The following ME3 variants were observed in gnomAD, a reference collection of about 807,000 sequenced individuals.
The protein encoded by ME3 is malic enzyme 3, also known as NADP-dependent malic enzyme, mitochondrial.
Under a neutral mutation model 68.9 loss-of-function variants are expected in ME3, and 48 were observed. That is an observed-to-expected ratio of 0.70 (90% confidence interval 0.55 to 0.89). The LOEUF (loss-of-function observed/expected upper bound fraction) is 0.89, where lower values mean the gene tolerates loss of function less well. Among genes scored for constraint, ME3 ranks in the 40% least tolerant of loss-of-function variants. The pLI, the probability that ME3 is intolerant of heterozygous loss-of-function variation, is 0.00. For missense variants in ME3, 675 were observed against 797.4 expected (o/e 0.85, Z 1.85); for synonymous variants, 320 against 318.8 (o/e 1.00, Z -0.04).
chr11:86,534,202 T>C (rs892218247), intron 4 of ME3, among the ~76,000 whole-genome samples: 2 of 151,916 alleles, frequency 1.3e-5, no homozygotes, highest in South Asian at 4.2e-4. Context: ...GATGAGTGAA[T>C]GTGATGACCC....
At chr11:86,536,641 T>G (rs1185715595) in intron 4 of ME3, among the ~76,000 whole-genome samples, 1 of 144,718 alleles carries the variant, frequency 6.9e-6, no homozygotes, top group African/African-American at 2.6e-5. Context: ...AAACAACAGG[T>G]GCTGGAGAGG....
chr11:86,521,827 G>A (rs1476419352), intron 4 of ME3, among the ~76,000 whole-genome samples: 1 of 152,166 alleles, frequency 6.6e-6, no homozygotes, highest in Non-Finnish European at 1.5e-5. Flanking sequence ...ATTATTTTGA[G>A]TCCTTTCCCT....
chr11:86,632,361 G>T (rs1310430212), intron 2 of ME3, among the ~76,000 whole-genome samples: 1 of 152,136 alleles, frequency 6.6e-6, no homozygotes, highest in African/African-American at 2.4e-5. Context: ...CAAGGGGGGT[G>T]GGGTAGAGCA....
At chr11:86,571,037 A>T (rs1296646749) in intron 2 of ME3, among the ~76,000 whole-genome samples, 5 of 152,208 alleles carry the variant, frequency 3.3e-5, no homozygotes, top group Admixed American at 3.3e-4. Flanking sequence ...GAGGTTTTAA[A>T]AAGTTTTTAA....
chr11:86,475,874 T>TATATATATATATATATAGAGAG, intron 7 of ME3, among the ~76,000 whole-genome samples: 24 of 91,444 alleles, frequency 2.6e-4, no homozygotes, highest in African/African-American at 9.5e-4. Context: ...TATATATATA[T>TATATATATATATATATAGAGAG]AGAGAGAGAG....
chr11:86,664,466 AC>A (rs1946470801), intron 2 of ME3, among the ~76,000 whole-genome samples: 1 of 152,226 alleles, frequency 6.6e-6, no homozygotes, highest in Admixed American at 6.5e-5. Flanking sequence ...ATTATTTACA[AC>A]ATGCCTATGA....
chr11:86,595,304 T>TAG lies in ME3; in HGVS notation c.184-35482_184-35481insCT, dbSNP rs142071666. ...ATATATACATATACATATATATATA[T>TAG]ATAGAGAGAGAGAGAGAGAGAGAGA... On this transcript the variant is annotated intron_variant, in intron 2 of 14. Coordinates refer to ENST00000543262, the Ensembl canonical transcript of ME3. 4.9e-3 allele frequency among the ~76,000 whole-genome samples: 466 copies of TAG among 94,596 alleles called. 28 individuals carry two copies. Among genetic ancestry groups the TAG allele is most frequent in the African/African-American group, 0.016 (359 of 22,628 alleles). The allele number at this position is 94,596 out of a possible 152,430, so 62.1% of individuals were successfully genotyped here. A position where few individuals can be genotyped will look rare whatever the true frequency, so the allele number is the denominator to read the frequency against.
intron 4 of ME3, among the ~76,000 whole-genome samples, chr11:86,519,913 G>A (rs748525675): frequency 1.1e-4 from 17 of 152,192 alleles, no homozygotes; most frequent in Non-Finnish European, 2.9e-5. Context: ...ACGTCCTCAG[G>A]GACGTGTGAC....
chr11:86,560,770 A>ATATATATATATATATATT (rs1405684410), intron 2 of ME3, among the ~76,000 whole-genome samples: 671 of 131,788 alleles, frequency 5.1e-3, no homozygotes, highest in Non-Finnish European at 8.8e-3. Flanking sequence ...ATATATATAT[A>ATATATATATATATATATT]TATTTCCAGG....
At chr11:86,481,974 A>G (rs1354782542) in intron 7 of ME3, among the ~76,000 whole-genome samples, 1 of 152,220 alleles carries the variant, frequency 6.6e-6, no homozygotes, top group African/African-American at 2.4e-5. Context: ...GGCACAAGGA[A>G]TGAAACCTTT....
chr11:86,449,110 ATC>A (rs1593999915), intron 10 of ME3, among the ~76,000 whole-genome samples: 1 of 152,170 alleles, frequency 6.6e-6, no homozygotes, highest in African/African-American at 2.4e-5. Context: ...TCTGCTGAGG[ATC>A]TCTGCCATTC....
intron 4 of ME3, among the ~76,000 whole-genome samples, chr11:86,551,575 G>A (rs601300): frequency 0.078 from 11,817 of 152,258 alleles, 550 homozygotes; most frequent in East Asian, 0.26. Flanking sequence ...TGATGTCTTA[G>A]ATAAGTCAGC....
At chr11:86,613,088 G>A (rs1293349808) in intron 2 of ME3, among the ~76,000 whole-genome samples, 2 of 152,002 alleles carry the variant, frequency 1.3e-5, no homozygotes, top group Non-Finnish European at 2.9e-5. Context: ...ATTTTTGTAA[G>A]GTGAAAGGAA....
chr11:86,591,936 A>G (rs1240973760), intron 2 of ME3, among the ~76,000 whole-genome samples: 2 of 152,174 alleles, frequency 1.3e-5, no homozygotes, highest in African/African-American at 4.8e-5. Flanking sequence ...TCAGACATCT[A>G]GAGTCCAGAA....
intron 5 of ME3, among the ~76,000 whole-genome samples, chr11:86,506,180 G>A (rs974353631): frequency 2.6e-5 from 4 of 152,114 alleles, no homozygotes; most frequent in African/African-American, 9.7e-5. Context: ...AGAGGCTCTG[G>A]ATGTCTCTCT....
intron 2 of ME3, among the ~76,000 whole-genome samples, chr11:86,596,050 C>G (rs1285167381): frequency 1.3e-5 from 2 of 152,224 alleles, no homozygotes; most frequent in Non-Finnish European, 2.9e-5. Context: ...GTTGAACTTT[C>G]AGTTATTAAA....
At chr11:86,437,475 T>G (rs80160721), downstream of ME3, among the ~76,000 whole-genome samples, 1,491 of 152,250 alleles carry the variant, frequency 9.8e-3, 12 homozygotes, top group Non-Finnish European at 0.016. Flanking sequence ...ATAAACATTT[T>G]AGAATCAGCC....
chr11:86,526,509 T>G (rs922842140), intron 4 of ME3, among the ~76,000 whole-genome samples: 1 of 152,156 alleles, frequency 6.6e-6, no homozygotes, highest in African/African-American at 2.4e-5. Flanking sequence ...CTGACAGCGT[T>G]GAAGATAGTA....
At chr11:86,651,516 C>G (rs955394722) in intron 2 of ME3, among the ~76,000 whole-genome samples, 2 of 152,238 alleles carry the variant, frequency 1.3e-5, no homozygotes, top group African/African-American at 4.8e-5. Flanking sequence ...AACTCCAACA[C>G]ACCTGCAGCT....
Sources: allele counts gnomAD v4.1 joint callset (sites outside exome capture counted in the v4.1 genomes callset), GRCh38; gene constraint gnomAD v4.1.1; transcripts MANE v1.5; gene names NCBI Gene and HGNC (gene_info 2026-07-23, HGNC 2026-07-21).